The following TRIM61 variants were observed in gnomAD, a reference collection of about 807,000 sequenced individuals.
The protein encoded by TRIM61 is putative tripartite motif-containing protein 61.
Under a neutral mutation model 14.2 loss-of-function variants are expected in TRIM61, and 1 was observed. The observed-to-expected ratio is 0.07, with a 90% CI of 0.03 to 0.33. TRIM61 has a LOEUF of 0.33. Ranked by LOEUF, TRIM61 falls within the 10% of genes least tolerant of loss-of-function variation. The pLI is 0.99. For synonymous variants in TRIM61, 8 were observed against 71.6 expected, an observed-to-expected ratio of 0.11 and a Z score of 4.49; for missense variants, 19 against 202.2, an observed-to-expected ratio of 0.09 and a Z score of 5.49.
intron 2 of TRIM61, among the ~76,000 whole-genome samples, chr4:164,973,333 A>G (rs910632383): frequency 1.3e-5 from 2 of 152,224 alleles, no homozygotes; most frequent in Non-Finnish European, 2.9e-5. Flanking sequence ...CTGGCATGAT[A>G]ATCACTAAGT....
At chr4:164,967,111 G>C (rs920088103) in intron 3 of TRIM61, among the ~76,000 whole-genome samples, 1 of 152,106 alleles carries the variant, frequency 6.6e-6, no homozygotes, top group Non-Finnish European at 1.5e-5. Flanking sequence ...TTAGTTTTCT[G>C]TATACTAGTA....
chr4:164,970,435 T>C (rs1732336721), intron 2 of TRIM61, 96 bp from the exon 3 acceptor site: 1 of 176,562 alleles, frequency 5.7e-6, no homozygotes, highest in Non-Finnish European at 1.2e-5. Context: ...AATCATGGGG[T>C]GGAAGTTCTT....
intron 2 of TRIM61, among the ~76,000 whole-genome samples, chr4:164,970,637 T>A (rs1448713499): frequency 1.3e-5 from 2 of 152,234 alleles, no homozygotes; most frequent in East Asian, 3.9e-4. Context: ...TGTGGAGCAT[T>A]CTTACAAGAC....
At chr4:164,964,223 A>C (rs1475261862) in intron 3 of TRIM61, among the ~76,000 whole-genome samples, 1 of 151,314 alleles carries the variant, frequency 6.6e-6, no homozygotes, top group Non-Finnish European at 1.5e-5. Flanking sequence ...TGGTGGGCGC[A>C]TGTAGTCCCA....
intron 2 of TRIM61, among the ~76,000 whole-genome samples, 155 bp from the exon 3 acceptor site, chr4:164,970,494 A>T (rs1019432281): frequency 6.6e-6 from 1 of 151,824 alleles, no homozygotes; most frequent in African/African-American, 2.4e-5. Context: ...TACATTACTT[A>T]TTAAAAAAAA....
At chr4:164,955,145 A>T (rs1048340180) in intron 3 of TRIM61, 1 of 172,530 alleles carries the variant, frequency 5.8e-6, no homozygotes, top group South Asian at 1.0e-4. Context: ...AGTAGTATAC[A>T]CATGTCCTAC....
At chr4:164,969,298 C>G in intron 3 of TRIM61, 1 of 1,473,062 alleles carries the variant, frequency 6.8e-7, no homozygotes, top group Non-Finnish European at 9.0e-7. Flanking sequence ...TCTCTATCTC[C>G]TTTAGTAGAT....
chr4:164,959,709 A>G (rs896524358), intron 3 of TRIM61, among the ~76,000 whole-genome samples: 5 of 152,210 alleles, frequency 3.3e-5, no homozygotes, highest in African/African-American at 1.2e-4. Flanking sequence ...AGTTTGAGAA[A>G]TTAAAGAGAC....
rs1438535543 is a variant in TRIM61, at chr4:164,970,353, A to G, written c.-337-14T>C. ...AGGGAATCCTTCCTATGAGTAAGAA[A>G]AGACACCACGTTAAAATTCCATAAT... is the stretch of plus-strand genomic sequence containing the variant. On this transcript the variant is annotated splice_polypyrimidine_tract_variant and intron_variant, in intron 2 of 4. Transcript: ENST00000329314. 7.5e-5 allele frequency: 18 copies of G among 241,146 alleles called. No homozygotes were observed. Among genetic ancestry groups the G allele is most frequent in the African/African-American group, 3.2e-4 (14 of 43,928 alleles). The allele number at this position is 241,146 out of a possible 1,614,324, so 14.9% of individuals were successfully genotyped here. A position where few individuals can be genotyped will look rare whatever the true frequency, so the allele number is the denominator to read the frequency against.
At chr4:164,957,076 C>T in intron 3 of TRIM61, 25 of 1,540,446 alleles carry the variant, frequency 1.6e-5, no homozygotes, top group Non-Finnish European at 2.2e-5. Flanking sequence ...CCGGACCCAG[C>T]GCCTGGAGAG....
At chr4:164,974,107 T>C (rs529343589) in intron 2 of TRIM61, among the ~76,000 whole-genome samples, 3 of 152,324 alleles carry the variant, frequency 2.0e-5, no homozygotes, top group Non-Finnish European at 4.4e-5. Context: ...GAGGCAGAGG[T>C]TGCAGTGAGT....
chr4:164,955,568 CAAAAAAAAA>C (rs10716862), intron 3 of TRIM61, among the ~76,000 whole-genome samples: 1 of 77,234 alleles, frequency 1.3e-5, no homozygotes, highest in African/African-American at 4.3e-5. Context: ...GATTCAGTCT[CAAAAAAAAA>C]AAAAAAAAAA....
At chr4:164,961,171 A>G (rs1404534377) in intron 3 of TRIM61, among the ~76,000 whole-genome samples, 17 of 97,848 alleles carry the variant, frequency 1.7e-4, no homozygotes, top group African/African-American at 4.9e-4. Context: ...AAAAAAAAAA[A>G]AAAAAAAAAA....
chr4:164,969,135 T>C (rs1180522932), intron 3 of TRIM61: 6 of 1,124,600 alleles, frequency 5.3e-6, no homozygotes, highest in Non-Finnish European at 6.5e-6. Context: ...AATCGCTTGA[T>C]AATTTTGTCT....
chr4:164,974,985 C>A (rs543275785), intron 2 of TRIM61, among the ~76,000 whole-genome samples: 246 of 151,500 alleles, frequency 1.6e-3, no homozygotes, highest in Non-Finnish European at 3.4e-3. Context: ...GTAATCCCAG[C>A]ACTTTGGGAG....
chr4:164,970,479 C>T (rs1053960434), intron 2 of TRIM61, 140 bp from the exon 3 acceptor site: 1 of 168,450 alleles, frequency 5.9e-6, no homozygotes, highest in South Asian at 1.4e-4. Context: ...CAGAGATTCA[C>T]GCCATACATT....
intron 3 of TRIM61, among the ~76,000 whole-genome samples, chr4:164,965,343 T>A (rs1321117220): frequency 1.3e-5 from 2 of 152,102 alleles, no homozygotes; most frequent in Non-Finnish European, 1.5e-5. Context: ...CACCTGGAGC[T>A]TGAATTTATC....
intron 3 of TRIM61, among the ~76,000 whole-genome samples, chr4:164,961,196 A>AAAAAAAAAAAGAC (rs1732130497): frequency 7.2e-6 from 1 of 139,028 alleles, no homozygotes; most frequent in Non-Finnish European, 1.6e-5. Flanking sequence ...AAAAAAAAGA[A>AAAAAAAAAAAGAC]AGAAAAATAA....
chr4:164,957,542 T>A (rs1362149068), intron 3 of TRIM61: 2 of 1,542,104 alleles, frequency 1.3e-6, no homozygotes, highest in Admixed American at 2.1e-5. Flanking sequence ...ATCTGACATC[T>A]GAAACAGCAA....
Sources: allele counts gnomAD v4.1 joint callset (sites outside exome capture counted in the v4.1 genomes callset), GRCh38; gene constraint gnomAD v4.1.1; transcripts MANE v1.5; gene names NCBI Gene and HGNC (gene_info 2026-07-23, HGNC 2026-07-21).